G2E3: variants seen among roughly 807,000 people sequenced by gnomAD.
G2E3 encodes G2/M phase-specific E3 ubiquitin-protein ligase.
Under a neutral mutation model 92.8 loss-of-function variants are expected in G2E3, and 35 were observed. The observed-to-expected ratio is 0.38, with a 90% CI of 0.29 to 0.50. The LOEUF (loss-of-function observed/expected upper bound fraction) is 0.50, where lower values mean the gene tolerates loss of function less well. G2E3 is among the 20% of genes least tolerant of loss of function. The pLI is 0.94. For synonymous variants in G2E3, 242 were observed against 272.4 expected, an observed-to-expected ratio of 0.89 and a Z score of 1.10; for missense variants, 554 against 823.8, an observed-to-expected ratio of 0.67 and a Z score of 4.01.
At position 30,593,512 on chromosome 14, in the gene G2E3, C is replaced by A; in HGVS notation, c.401C>A (p.Thr134Lys). 1 of 1,550,496 alleles carries A rather than the reference C, an allele frequency of 6.4e-7. No homozygotes were observed. The highest frequency in any genetic ancestry group is 8.9e-7 in the Non-Finnish European group (1 of 1,126,030). The change falls in exon 6 of 15, where the codon ACA (threonine) becomes AAA (lysine). Residue 134 changes from threonine to lysine, a missense_variant. By Grantham distance (78) the Thr-to-Lys change is moderately conservative. Transcript: ENST00000206595. Reference sequence around the variant, plus strand: ...GACCATCGACCTGTTCAAATAATTACATCTAATAATTATAGAGAGTCCTTA... The same window carrying A: ...GACCATCGACCTGTTCAAATAATTAAATCTAATAATTATAGAGAGTCCTTA... ...CWDHRPVQII[T>K]SNNYRESLPC...
intron 3 of G2E3, among the ~76,000 whole-genome samples, chr14:30,588,369 T>G (rs932392670): frequency 2.0e-5 from 3 of 149,892 alleles, no homozygotes; most frequent in Non-Finnish European, 2.9e-5. Context: ...TCATAACAAA[T>G]TCTTAGTGTG....
intron 1 of G2E3, among the ~76,000 whole-genome samples, chr14:30,562,874 A>G (rs191348008): frequency 1.3e-5 from 2 of 152,314 alleles, no homozygotes; most frequent in East Asian, 1.9e-4. Context: ...CTCGGCTGCC[A>G]GGCAGGGAAG....
At chr14:30,578,280 T>C (rs1430113281) in intron 1 of G2E3, among the ~76,000 whole-genome samples, 1 of 152,218 alleles carries the variant, frequency 6.6e-6, no homozygotes, top group Non-Finnish European at 1.5e-5. Flanking sequence ...TTGATACTGC[T>C]ATAATTTCAA....
At chr14:30,590,254 A>G (rs1361223767) in intron 4 of G2E3, among the ~76,000 whole-genome samples, 2 of 152,176 alleles carry the variant, frequency 1.3e-5, no homozygotes, top group African/African-American at 4.8e-5. Flanking sequence ...GGGGAAATGA[A>G]GGACACTGAC....
chr14:30,608,760 C>G (rs978023055), intron 12 of G2E3, among the ~76,000 whole-genome samples: 6 of 152,234 alleles, frequency 3.9e-5, no homozygotes, highest in Non-Finnish European at 8.8e-5. Context: ...CTTAACCTCC[C>G]TCCTACTTAA....
intron 12 of G2E3, among the ~76,000 whole-genome samples, chr14:30,610,354 G>A (rs1268913062): frequency 2.0e-5 from 3 of 152,160 alleles, no homozygotes; most frequent in Non-Finnish European, 4.4e-5. Context: ...AGTGGGTCAC[G>A]CCTGTAATCC....
intron 10 of G2E3, 110 bp from the exon 11 acceptor site, chr14:30,605,395 A>G: frequency 2.1e-6 from 1 of 482,792 alleles, no homozygotes; most frequent in South Asian, 4.4e-5. Flanking sequence ...GGGGAAGAAT[A>G]TCCTATTAAT....
chr14:30,562,230 A>G (rs910743087), intron 1 of G2E3, among the ~76,000 whole-genome samples: 9 of 152,192 alleles, frequency 5.9e-5, no homozygotes, highest in Admixed American at 1.3e-4. Context: ...CTGTTCCAGT[A>G]TAATAAAATA....
intron 1 of G2E3, among the ~76,000 whole-genome samples, chr14:30,569,392 A>T (rs1879625362): frequency 6.6e-6 from 1 of 152,230 alleles, no homozygotes; most frequent in Non-Finnish European, 1.5e-5. Context: ...CAAGGAGTTC[A>T]AACACAGAAA....
chr14:30,617,918 GT>G lies in G2E3; in HGVS notation c.*1388del, dbSNP rs1249558103. On this transcript the variant is annotated 3_prime_UTR_variant, in exon 15 of 15. Transcript: ENST00000206595. ...CATATTTAAATGATATAATGGTTCA[GT>G]TTTCCATGAAAGTAAATCATTATGG... 1 of 87,510 alleles carries G rather than the reference GT, an allele frequency of 1.1e-5. No individual in the cohort carries two copies. Among genetic ancestry groups the G allele is most frequent in the Non-Finnish European group, 2.0e-5 (1 of 48,920 alleles). 5.4% of individuals were successfully genotyped at this position (87,510 alleles called of 1,614,324 possible).
rs540059164 is a variant in G2E3 at position 30,585,439 on chromosome 14, G to A, written c.38-1279G>A. On this transcript the variant is annotated intron_variant, in intron 2 of 14. Transcript: ENST00000206595. ...ATTCTTTCACCATTGAATGGTCTTG[G>A]CACTCTTGTTGAAAATCATTTGACC... Among the ~76,000 whole-genome samples the A allele has an allele frequency of 1.9e-4, 29 of 152,182 alleles. No individual in the cohort carries two copies. In the South Asian group the frequency reaches 6.0e-3, roughly 32 times the overall value.
At chr14:30,614,230 TAAC>T (rs1566554273) in intron 13 of G2E3, among the ~76,000 whole-genome samples, 6 of 149,926 alleles carry the variant, frequency 4.0e-5, no homozygotes, top group African/African-American at 1.5e-4. Flanking sequence ...TTTTTAATGA[TAAC>T]AGATAAACAT....
At chr14:30,591,570 A>G (rs1298804796) in intron 4 of G2E3, among the ~76,000 whole-genome samples, 1 of 152,126 alleles carries the variant, frequency 6.6e-6, no homozygotes, top group Non-Finnish European at 1.5e-5. Flanking sequence ...CTAGCTTCAC[A>G]TGGCTGCTGG....
chr14:30,591,816 G>A (rs1881028238), intron 4 of G2E3, among the ~76,000 whole-genome samples: 1 of 152,068 alleles, frequency 6.6e-6, no homozygotes, highest in South Asian at 2.1e-4. Flanking sequence ...ACTGGGAGTC[G>A]GGACCTGAGC....
At chr14:30,595,642 C>T (rs966784865) in intron 6 of G2E3, among the ~76,000 whole-genome samples, 1 of 152,134 alleles carries the variant, frequency 6.6e-6, no homozygotes, top group Non-Finnish European at 1.5e-5. Flanking sequence ...TTATTATACT[C>T]GATTAGAGCA....
intron 1 of G2E3, among the ~76,000 whole-genome samples, chr14:30,571,176 C>CT (rs11451039): frequency 0.31 from 42,861 of 137,770 alleles, 7,490 homozygotes; most frequent in East Asian, 0.52. Flanking sequence ...AGTGGGTTTG[C>CT]TTTTTTTTTT....
At chr14:30,584,919 C>T (rs1880623832) in intron 2 of G2E3, among the ~76,000 whole-genome samples, 1 of 151,360 alleles carries the variant, frequency 6.6e-6, no homozygotes, top group South Asian at 2.1e-4. Flanking sequence ...GCAACCTCCA[C>T]CTCCCAGGTT....
chr14:30,615,025 C>G (rs928505815), intron 13 of G2E3, among the ~76,000 whole-genome samples: 10 of 152,120 alleles, frequency 6.6e-5, no homozygotes, highest in African/African-American at 2.2e-4. Context: ...GTGTAAAACA[C>G]TTCAGATTTT....
intron 1 of G2E3, among the ~76,000 whole-genome samples, chr14:30,565,173 T>G (rs139129318): frequency 1.3e-5 from 2 of 152,346 alleles, no homozygotes; most frequent in African/African-American, 4.8e-5. Context: ...ATAGCTATTA[T>G]AGTGGACATG....
Sources: allele counts gnomAD v4.1 joint callset (sites outside exome capture counted in the v4.1 genomes callset), GRCh38; gene constraint gnomAD v4.1.1; transcripts MANE v1.5; gene names NCBI Gene and HGNC (gene_info 2026-07-23, HGNC 2026-07-21).